Variants in SETD2 observed in about 807,000 individuals in gnomAD.
The protein encoded by SETD2 is SET domain containing 2, histone lysine methyltransferase.
In SETD2, 31 loss-of-function variants were observed where a neutral mutation model predicts 242.1. The ratio of observed to expected loss-of-function variants is 0.13; its 90% CI spans 0.10 to 0.17. The LOEUF (loss-of-function observed/expected upper bound fraction) is 0.17. SETD2 is among the 10% of genes least tolerant of loss of function. The pLI is 1.00. For synonymous variants in SETD2, 1,006 were observed against 1,066.5 expected, an observed-to-expected ratio of 0.94 and a Z score of 1.11; for missense variants, 2,481 against 3,046.3, an observed-to-expected ratio of 0.81 and a Z score of 4.37.
Position 47,057,223 on chromosome 3 carries a change from C to T in SETD2, c.6561G>A (p.Val2187=), listed in dbSNP as rs749906734. ...VDPSNPNAGK[V]LLPTPSMDPV... Reference sequence around the variant, plus strand: ...GGTCCATGCTGGGTGTGGGCAGGAGCACCTTTCCAGCATTAGGGTTGCTGG... The same window carrying T: ...GGTCCATGCTGGGTGTGGGCAGGAGTACCTTTCCAGCATTAGGGTTGCTGG... The change falls in exon 15 of 21, where the codon GTG becomes GTA. Residue 2187 remains valine (V), a synonymous_variant. Transcript: ENST00000409792. 1.2e-6 allele frequency: 2 copies of T among 1,614,210 alleles called. No individual in the cohort carries two copies. The highest frequency in any genetic ancestry group is 1.3e-5 in the African/African-American group (1 of 75,054).
intron 1 of SETD2, among the ~76,000 whole-genome samples, chr3:47,153,912 T>G (rs1192556944): frequency 6.6e-6 from 1 of 152,090 alleles, no homozygotes; most frequent in Non-Finnish European, 1.5e-5. Flanking sequence ...TAAAAAACTC[T>G]AAACAAAATC....
intron 1 of SETD2, among the ~76,000 whole-genome samples, chr3:47,150,390 T>C (rs1430871201): frequency 6.6e-6 from 1 of 152,054 alleles, no homozygotes; most frequent in Non-Finnish European, 1.5e-5. Flanking sequence ...ACTTCCTTTT[T>C]GCCCGTAATA....
intron 1 of SETD2, among the ~76,000 whole-genome samples, chr3:47,151,264 C>T (rs918747874): frequency 2.0e-5 from 3 of 152,046 alleles, no homozygotes; most frequent in Admixed American, 1.3e-4. Context: ...GAAATGTTAG[C>T]CTTTCTTGAA....
chr3:47,145,539 G>A (rs1040893189), intron 1 of SETD2: 3 of 418,170 alleles, frequency 7.2e-6, no homozygotes, highest in African/African-American at 2.0e-5. Flanking sequence ...ACAGGTGCAT[G>A]CCACCATGCC....
intron 16 of SETD2, among the ~76,000 whole-genome samples, chr3:47,044,029 C>T (rs775113200): frequency 1.3e-5 from 2 of 151,982 alleles, no homozygotes; most frequent in Non-Finnish European, 2.9e-5. Context: ...CAAATGGAAA[C>T]TTATTTATGT....
At chr3:47,041,359 C>A (rs1246916559) in intron 17 of SETD2, 7 of 448,456 alleles carry the variant, frequency 1.6e-5, no homozygotes, top group South Asian at 1.1e-4. Flanking sequence ...CTAAAACTAA[C>A]AGTTGTAGCT....
chr3:47,126,633 T>C lies in SETD2; in HGVS notation c.87+15A>G, dbSNP rs1377157010. 4 of 1,314,696 alleles carry C rather than the reference T, an allele frequency of 3.0e-6. No homozygotes were observed. Among genetic ancestry groups the C allele is most frequent in the Middle Eastern group, 3.6e-4 (2 of 5,530 alleles). 81.4% of individuals were successfully genotyped at this position (1,314,696 alleles called of 1,614,324 possible). A position where few individuals can be genotyped will look rare whatever the true frequency, so the allele number is the denominator to read the frequency against. On this transcript the variant is annotated intron_variant, in intron 2 of 20. Coordinates refer to ENST00000409792, the MANE Select transcript of SETD2 (RefSeq NM_014159.7). ...CATCTCATAATCATTGAATGACTAG[T>C]TAAATTATACTTACCTCATTTTCTT... is the stretch of plus-strand genomic sequence containing the variant.
intron 1 of SETD2, chr3:47,157,496 T>G (rs970053994): frequency 2.2e-6 from 1 of 456,118 alleles, no homozygotes; most frequent in Admixed American, 2.3e-5. Context: ...AACTTTCTTT[T>G]GACCAAATTT....
chr3:47,059,659 C>T (rs920413191), intron 14 of SETD2, among the ~76,000 whole-genome samples: 1 of 152,002 alleles, frequency 6.6e-6, no homozygotes, highest in Non-Finnish European at 1.5e-5. Flanking sequence ...ACCTCATGAT[C>T]CACTCGCCTC....
Position 47,057,508 on chromosome 3 carries a change from A to T in SETD2, c.6294-18T>A. 1 of 1,601,140 alleles carries T rather than the reference A, an allele frequency of 6.2e-7. No individual in the cohort carries two copies. On this transcript the variant is annotated intron_variant, in intron 14 of 20. Transcript: ENST00000409792. Reference sequence around the variant, plus strand: ...TATCATATCTAGAAAGAAAATAAGGACCACAAAAAGTTGCTCCCTAAATCA... The same window carrying T: ...TATCATATCTAGAAAGAAAATAAGGTCCACAAAAAGTTGCTCCCTAAATCA...
At chr3:47,036,450 G>A (rs1438361846) in intron 18 of SETD2, among the ~76,000 whole-genome samples, 1 of 152,030 alleles carries the variant, frequency 6.6e-6, no homozygotes, top group Non-Finnish European at 1.5e-5. Context: ...AGCTACTTGG[G>A]TGGTTGAGAC....
At position 47,163,759 on chromosome 3, in the gene SETD2, C is replaced by T. The variant is rs919433982; in HGVS notation, c.71+95G>A. On this transcript the variant is annotated intron_variant, in intron 1 of 20. Transcript: ENST00000409792. ...AGGCCACCGTGGGCCTGTTACTCCT[C>T]GCGCCGGCCCGCGCCGCCACCCGTC... 3.4e-6 allele frequency: 4 copies of T among 1,181,590 alleles called. No homozygotes were observed. In the African/African-American group the frequency reaches 6.4e-5, roughly 19 times the overall value. The allele number at this position is 1,181,590 out of a possible 1,614,324, so 73.2% of individuals were successfully genotyped here.
chr3:47,151,645 T>C (rs1462193282), intron 1 of SETD2, among the ~76,000 whole-genome samples: 6 of 151,932 alleles, frequency 3.9e-5, no homozygotes, highest in Admixed American at 6.6e-5. Flanking sequence ...CTAGCCAACA[T>C]AGTGAAACTC....
chr3:47,032,483 AAAAAAAT>A (rs2038814670), intron 18 of SETD2, among the ~76,000 whole-genome samples: 1 of 151,932 alleles, frequency 6.6e-6, no homozygotes, highest in Non-Finnish European at 1.5e-5. Context: ...ACCATGGCTC[AAAAAAAT>A]AAAAAATAAA....
intron 16 of SETD2, 82 bp from the exon 17 acceptor site, chr3:47,042,782 T>G (rs976804996): frequency 1.6e-6 from 2 of 1,228,894 alleles, no homozygotes; most frequent in Admixed American, 4.8e-5. Context: ...CACTTAAATA[T>G]GTAAAAATGT....
At chr3:47,094,080 TTCTTCTCA>T (rs1203454091) in intron 9 of SETD2, among the ~76,000 whole-genome samples, 1 of 151,964 alleles carries the variant, frequency 6.6e-6, no homozygotes, top group African/African-American at 2.4e-5. Context: ...AGTTAAGTAT[TTCTTCTCA>T]CTCAGGTGGG....
At chr3:47,136,564 C>G (rs149056083) in intron 1 of SETD2, among the ~76,000 whole-genome samples, 1 of 152,178 alleles carries the variant, frequency 6.6e-6, no homozygotes, top group Non-Finnish European at 1.5e-5. Context: ...AATGTTCTCA[C>G]TTGTAAGTGG....
rs571186012 is a variant in SETD2 at position 47,028,863 on chromosome 3, C to T, written c.7350+8803G>A. On this transcript the variant is annotated intron_variant, in intron 18 of 20. Transcript: ENST00000409792. ...AGTAGATTGGTCATCTGGAGAACCA[C>T]TACTGGCTGAGCATGCCCTACCTGA... is the stretch of plus-strand genomic sequence containing the variant. 3.2e-5 allele frequency: 5 copies of T among 154,880 alleles called. No homozygotes were observed. The South Asian group carries it at 1.0e-3, about 31-fold the overall frequency. 9.6% of individuals were successfully genotyped at this position (154,880 alleles called of 1,614,324 possible).
At chr3:47,106,811 C>CAAA (rs397989450) in intron 5 of SETD2, among the ~76,000 whole-genome samples, 7 of 113,626 alleles carry the variant, frequency 6.2e-5, no homozygotes, top group Non-Finnish European at 1.0e-4. Context: ...GACTCCGTCT[C>CAAA]AAAAAAAAAA....
Sources: allele counts gnomAD v4.1 joint callset (sites outside exome capture counted in the v4.1 genomes callset), GRCh38; gene constraint gnomAD v4.1.1; transcripts MANE v1.5; gene names NCBI Gene and HGNC (gene_info 2026-07-23, HGNC 2026-07-21).